The following ABLIM1 variants were observed in gnomAD, a reference collection of about 807,000 sequenced individuals.
The protein encoded by ABLIM1 is actin binding LIM protein 1.
ABLIM1 carries 40 observed loss-of-function variants against 107.0 expected under a neutral mutation model. That is an observed-to-expected ratio of 0.37 (90% CI 0.29 to 0.49). The LOEUF is 0.49. Ranked by LOEUF, ABLIM1 falls within the 20% of genes least tolerant of loss-of-function variation. The probability of loss-of-function intolerance (pLI) is 0.97; values close to 1 mark genes in which losing one functional copy is unlikely to be tolerated. For synonymous variants in ABLIM1, 357 were observed against 357.3 expected, an observed-to-expected ratio of 1.00 and a Z score of 0.01; for missense variants, 857 against 1,008.5, an observed-to-expected ratio of 0.85 and a Z score of 2.04.
exon 1 of ABLIM1, chr10:114,684,655 C>T (rs971296736): frequency 1.7e-5 from 19 of 1,148,610 alleles, no homozygotes; most frequent in East Asian, 1.2e-4. Context: ...AGCTCAATGA[C>T]GCCACACCCA....
upstream of ABLIM1, among the ~76,000 whole-genome samples, chr10:114,769,988 T>C (rs1331617600): frequency 1.3e-5 from 2 of 152,146 alleles, no homozygotes; most frequent in African/African-American, 4.8e-5. Context: ...TCTTAACCTT[T>C]CTCACCTAAA....
chr10:114,437,956 A>G, intron 21 of ABLIM1, 32 bp from the exon 22 acceptor site: 1 of 1,580,186 alleles, frequency 6.3e-7, no homozygotes, highest in Non-Finnish European at 8.7e-7. Flanking sequence ...CTTCTAGAAC[A>G]CCACAGTCCA....
rs564525505 is a variant in ABLIM1 at position 114,717,350 on chromosome 10, A to C, written c.-213+50711T>G. The stretch of plus-strand genomic sequence containing the variant: ...ATCACCCAAATACAAAAACAATAAG[A>C]CTGAAATCATGTAGGGAGAACACTG... On this transcript the variant is annotated intron_variant, in intron 1 of 15. Coordinates refer to the ABLIM1 transcript ENST00000651092. Among the ~76,000 whole-genome samples the C allele has an allele frequency of 1.3e-3, 205 of 152,220 alleles. 1 individual carries two copies. Among genetic ancestry groups the C allele is most frequent in the African/African-American group, 4.8e-3 (199 of 41,532 alleles).
At chr10:114,603,141 A>G (rs2076151772) in intron 1 of ABLIM1, among the ~76,000 whole-genome samples, 1 of 152,194 alleles carries the variant, frequency 6.6e-6, no homozygotes, top group Admixed American at 6.5e-5. Context: ...TTTCTCTCCA[A>G]AGGTAAAACC....
chr10:114,544,329 T>C (rs2483588), intron 6 of ABLIM1, among the ~76,000 whole-genome samples: 117,889 of 152,182 alleles, frequency 0.77, 46,248 homozygotes, highest in African/African-American at 0.91. Context: ...CTGGGAGAAG[T>C]AGGGTAGCGA....
At chr10:114,468,531 C>T (rs2065741423) in intron 10 of ABLIM1, among the ~76,000 whole-genome samples, 1 of 152,028 alleles carries the variant, frequency 6.6e-6, no homozygotes, top group Non-Finnish European at 1.5e-5. Context: ...CCCTTAGCCT[C>T]CCAAAGTTTT....
At chr10:114,618,387 T>C (rs912214441) in intron 1 of ABLIM1, among the ~76,000 whole-genome samples, 1 of 152,206 alleles carries the variant, frequency 6.6e-6, no homozygotes, top group Non-Finnish European at 1.5e-5. Context: ...TTTTTTCCAA[T>C]GCTCAAACTC....
chr10:114,749,050 G>A (rs547671050), intron 1 of ABLIM1, among the ~76,000 whole-genome samples: 27 of 152,204 alleles, frequency 1.8e-4, no homozygotes, highest in Admixed American at 5.2e-4. Context: ...CTCAAATAAC[G>A]TGCTAGAATT....
At chr10:114,572,810 G>A (rs1591312530) in intron 3 of ABLIM1, among the ~76,000 whole-genome samples, 2 of 152,146 alleles carry the variant, frequency 1.3e-5, no homozygotes, top group Non-Finnish European at 2.9e-5. Flanking sequence ...AACACAACAC[G>A]CACAGGTTCT....
chr10:114,493,636 C>G (rs1246820382), intron 6 of ABLIM1, among the ~76,000 whole-genome samples: 1 of 152,028 alleles, frequency 6.6e-6, no homozygotes, highest in African/African-American at 2.4e-5. Flanking sequence ...ATTTCCTATT[C>G]ACTAGCAATA....
At chr10:114,693,873 G>GGCTGGTCTCGAGCT (rs1210317815) in intron 1 of ABLIM1, among the ~76,000 whole-genome samples, 2 of 148,908 alleles carry the variant, frequency 1.3e-5, no homozygotes, top group African/African-American at 5.0e-5. Context: ...GTGTTGCTCA[G>GGCTGGTCTCGAGCT]GCTGGTCTCG....
At position 114,631,878 on chromosome 10, in the gene ABLIM1, A is replaced by T. The variant is rs549192860; in HGVS notation, c.244+26079T>A. ...GCCATTCCAACTTCTGCAACCATGC[A>T]CAGTGATCGATATTTATAATTACCT... On this transcript the variant is annotated intron_variant, in intron 1 of 22. Coordinates refer to ENST00000533213, the MANE Select transcript of ABLIM1 (RefSeq NM_002313.7). 1.5e-4 allele frequency: 202 copies of T among 1,303,708 alleles called. No homozygotes were observed. The Middle Eastern group carries it at 1.9e-3, about 12-fold the overall frequency. 80.8% of individuals were successfully genotyped at this position (1,303,708 alleles called of 1,614,324 possible).
chr10:114,609,753 A>G (rs904656047), intron 1 of ABLIM1, among the ~76,000 whole-genome samples: 11 of 152,232 alleles, frequency 7.2e-5, no homozygotes, highest in African/African-American at 2.4e-4. Context: ...AAATCACTCC[A>G]GAACACTACT....
chr10:114,702,454 G>GT (rs971333583), intron 1 of ABLIM1, among the ~76,000 whole-genome samples: 2 of 148,690 alleles, frequency 1.3e-5, no homozygotes, highest in South Asian at 4.3e-4. Flanking sequence ...TAACATCAGT[G>GT]TTTTTTTGTT....
intron 2 of ABLIM1, among the ~76,000 whole-genome samples, chr10:114,600,241 C>T (rs1370928670): frequency 6.6e-6 from 1 of 152,154 alleles, no homozygotes; most frequent in Non-Finnish European, 1.5e-5. Flanking sequence ...TTGATATTTC[C>T]TCATGGCCAT....
intron 1 of ABLIM1, among the ~76,000 whole-genome samples, chr10:114,656,976 G>C (rs963602188): frequency 3.9e-5 from 6 of 152,188 alleles, no homozygotes; most frequent in African/African-American, 1.2e-4. Context: ...GTTTCTTTTT[G>C]AGGCAATGAA....
In ABLIM1 at chr10:114,435,332, A is replaced by T. The variant is rs971117421; in HGVS notation, c.*928T>A. On this transcript the variant is annotated 3_prime_UTR_variant, in exon 23 of 23. Transcript: ENST00000533213. ...GACTGGAAGAACTAGAGTCAGTAGGACATGGGACTTGTTTTTGTTTTTTGC... is the reference window on the plus strand; with the variant it reads ...GACTGGAAGAACTAGAGTCAGTAGGTCATGGGACTTGTTTTTGTTTTTTGC... 13 of 152,288 alleles carry T rather than the reference A, an allele frequency of 8.5e-5. No individual in the cohort carries two copies. Among genetic ancestry groups the T allele is most frequent in the Non-Finnish European group, 1.6e-4 (11 of 68,072 alleles). 9.4% of individuals were successfully genotyped at this position (152,288 alleles called of 1,614,324 possible).
intron 2 of ABLIM1, among the ~76,000 whole-genome samples, chr10:114,592,346 G>A (rs2074976676): frequency 1.3e-5 from 2 of 152,126 alleles, no homozygotes; most frequent in Non-Finnish European, 2.9e-5. Flanking sequence ...AGGCTATTTG[G>A]TACTTGGTTT....
intron 5 of ABLIM1, among the ~76,000 whole-genome samples, chr10:114,546,437 G>A (rs2067352652): frequency 6.6e-6 from 1 of 151,962 alleles, no homozygotes; most frequent in Admixed American, 6.6e-5. Context: ...GGGGTTGCAG[G>A]TGCCCACCAC....
Sources: gnomAD v4.1 joint callset for allele counts (sites outside exome capture counted in the v4.1 genomes callset) on GRCh38, gnomAD v4.1.1 for gene constraint, MANE v1.5 for transcripts, NCBI Gene and HGNC (gene_info 2026-07-23, HGNC 2026-07-21) for gene names.